The following FSTL5 variants were observed in gnomAD, a reference collection of about 807,000 sequenced individuals.
FSTL5 encodes the protein follistatin like 5, also known as follistatin-related protein 5.
In FSTL5, 62 loss-of-function variants were observed where a neutral mutation model predicts 89.1. That is an observed-to-expected ratio of 0.70 (90% CI 0.57 to 0.86). The LOEUF (loss-of-function observed/expected upper bound fraction) is 0.86, where lower values mean the gene tolerates loss of function less well. Among genes scored for constraint, FSTL5 ranks in the 40% least tolerant of loss-of-function variants. The pLI is 0.00. For synonymous variants in FSTL5, 383 were observed against 346.2 expected (o/e 1.11, Z -1.18); for missense variants, 1,057 against 1,001.6 (o/e 1.06, Z -0.75).
chr4:161,956,466 T>A (rs1159652003), intron 3 of FSTL5, among the ~76,000 whole-genome samples: 1 of 151,880 alleles, frequency 6.6e-6, no homozygotes, highest in African/African-American at 2.4e-5. Context: ...CTGAGAGATT[T>A]GACTACAAAT....
At chr4:161,527,042 A>T (rs1209969272) in intron 10 of FSTL5, among the ~76,000 whole-genome samples, 1 of 152,060 alleles carries the variant, frequency 6.6e-6, no homozygotes, top group African/African-American at 2.4e-5. Flanking sequence ...CAGTATGGCC[A>T]TTTTCACGAT....
Position 161,557,043 on chromosome 4 carries a change from T to C in FSTL5, c.1016-14350A>G, listed in dbSNP as rs189439354. On this transcript the variant is annotated intron_variant, in intron 8 of 15. Coordinates refer to ENST00000306100, the MANE Select transcript of FSTL5 (RefSeq NM_020116.5). Reference sequence around the variant, plus strand: ...CTCTACTTGTACTTGGAAGTTCTCATGTAATACTGAGCTACAAAATTAATT... The same window carrying C: ...CTCTACTTGTACTTGGAAGTTCTCACGTAATACTGAGCTACAAAATTAATT... Among the ~76,000 whole-genome samples the C allele has an allele frequency of 2.0e-4, 30 of 151,568 alleles. No homozygotes were observed. The East Asian group carries it at 5.5e-3, about 28-fold the overall frequency.
At chr4:161,612,288 A>T (rs1734681353) in intron 7 of FSTL5, among the ~76,000 whole-genome samples, 1 of 152,182 alleles carries the variant, frequency 6.6e-6, no homozygotes, top group Non-Finnish European at 1.5e-5. Context: ...AATAAATAAA[A>T]ATTTATTCCT....
chr4:161,976,504 C>A (rs1044682503), intron 3 of FSTL5, among the ~76,000 whole-genome samples: 1 of 152,016 alleles, frequency 6.6e-6, no homozygotes, highest in Non-Finnish European at 1.5e-5. Flanking sequence ...GTTGCTGAGT[C>A]GGAGTCTTGC....
At chr4:161,838,030 T>C (rs1731099494) in intron 4 of FSTL5, among the ~76,000 whole-genome samples, 1 of 152,192 alleles carries the variant, frequency 6.6e-6, no homozygotes, top group Non-Finnish European at 1.5e-5. Flanking sequence ...TTCTATGTAT[T>C]TCTTCTATTT....
At chr4:161,417,079 G>T (rs1731813203) in intron 15 of FSTL5, among the ~76,000 whole-genome samples, 1 of 152,090 alleles carries the variant, frequency 6.6e-6, no homozygotes, top group Admixed American at 6.6e-5. Flanking sequence ...TGGTAAAACT[G>T]GGTTTATGTC....
At chr4:161,577,720 T>C (rs1033895954) in intron 8 of FSTL5, among the ~76,000 whole-genome samples, 1 of 152,182 alleles carries the variant, frequency 6.6e-6, no homozygotes, top group African/African-American at 2.4e-5. Context: ...TTTGGCTTAA[T>C]GCCTAGGATG....
chr4:161,822,671 C>T (rs766528524), intron 4 of FSTL5, among the ~76,000 whole-genome samples: 1 of 152,192 alleles, frequency 6.6e-6, no homozygotes, highest in Non-Finnish European at 1.5e-5. Flanking sequence ...CTCTACTTAT[C>T]TTCTCTCATT....
intron 1 of FSTL5, among the ~76,000 whole-genome samples, chr4:162,141,944 T>G (rs1202160371): frequency 6.6e-6 from 1 of 151,890 alleles, no homozygotes; most frequent in Non-Finnish European, 1.5e-5. Context: ...AAGAAGAGCT[T>G]GAGAGTATTC....
At chr4:162,092,591 A>G (rs761407970) in intron 2 of FSTL5, among the ~76,000 whole-genome samples, 1 of 152,136 alleles carries the variant, frequency 6.6e-6, no homozygotes, top group Non-Finnish European at 1.5e-5. Context: ...CTAAAGTTTG[A>G]TAAGTAGAAT....
At chr4:161,573,992 G>A (rs904756153) in intron 8 of FSTL5, among the ~76,000 whole-genome samples, 1 of 152,086 alleles carries the variant, frequency 6.6e-6, no homozygotes, top group African/African-American at 2.4e-5. Flanking sequence ...TTCATGCATT[G>A]TCTGGCTTCT....
intron 1 of FSTL5, among the ~76,000 whole-genome samples, chr4:162,143,855 G>T (rs890853203): frequency 1.3e-5 from 2 of 150,790 alleles, no homozygotes; most frequent in Admixed American, 6.6e-5. Flanking sequence ...AAATACCTTT[G>T]CAGAGTTTCC....
intron 4 of FSTL5, among the ~76,000 whole-genome samples, chr4:161,886,728 A>T (rs981804419): frequency 3.3e-5 from 5 of 152,170 alleles, no homozygotes; most frequent in Non-Finnish European, 5.9e-5. Flanking sequence ...GTATACTCTG[A>T]AAGGTCCACC....
At chr4:161,981,760 G>A (rs1735834158) in intron 3 of FSTL5, among the ~76,000 whole-genome samples, 1 of 152,126 alleles carries the variant, frequency 6.6e-6, no homozygotes, top group Non-Finnish European at 1.5e-5. Context: ...ATATTTTAGT[G>A]TTTAAGCACA....
At chr4:161,882,528 G>A (rs1249235636) in intron 4 of FSTL5, among the ~76,000 whole-genome samples, 1 of 151,810 alleles carries the variant, frequency 6.6e-6, no homozygotes, top group Non-Finnish European at 1.5e-5. Context: ...TTATTCTAAT[G>A]GTATTATTTT....
At chr4:161,501,257 T>A (rs1025109967) in intron 11 of FSTL5, among the ~76,000 whole-genome samples, 3 of 152,104 alleles carry the variant, frequency 2.0e-5, no homozygotes, top group African/African-American at 7.2e-5. Flanking sequence ...TCAATTGTGA[T>A]CTCCTGGAAG....
At chr4:161,610,861 G>A (rs1012260163) in intron 7 of FSTL5, among the ~76,000 whole-genome samples, 3 of 151,414 alleles carry the variant, frequency 2.0e-5, no homozygotes, top group Non-Finnish European at 4.4e-5. Context: ...GTAATTTCAG[G>A]TGCAGATACA....
chr4:161,957,683 T>C (rs1007039082), intron 3 of FSTL5, among the ~76,000 whole-genome samples: 1 of 152,156 alleles, frequency 6.6e-6, no homozygotes, highest in Non-Finnish European at 1.5e-5. Flanking sequence ...ATAAACATTA[T>C]GCAGAATCCT....
chr4:161,785,346 T>C (rs1044041146), intron 4 of FSTL5, among the ~76,000 whole-genome samples: 2 of 152,158 alleles, frequency 1.3e-5, no homozygotes, highest in African/African-American at 4.8e-5. Flanking sequence ...TAATCTGATA[T>C]GCATATTCAA....
Sources: gnomAD v4.1 joint callset for allele counts (sites outside exome capture counted in the v4.1 genomes callset) on GRCh38, gnomAD v4.1.1 for gene constraint, MANE v1.5 for transcripts, NCBI Gene and HGNC (gene_info 2026-07-23, HGNC 2026-07-21) for gene names.